Variants in RGS22 observed in about 807,000 individuals in gnomAD.
RGS22 encodes the protein regulator of G protein signaling 22.
A neutral mutation model predicts 172.9 loss-of-function variants in RGS22; 148 were observed. The observed-to-expected ratio is 0.86, with a 90% CI of 0.75 to 0.98. The LOEUF (loss-of-function observed/expected upper bound fraction) is 0.98. Among genes scored for constraint, RGS22 ranks in the 50% least tolerant of loss-of-function variants. RGS22 has a pLI of 0.00. For synonymous variants in RGS22, 458 were observed against 480.2 expected (o/e 0.95, Z 0.60); for missense variants, 1,347 against 1,440.8 (o/e 0.93, Z 1.05).
Position 100,053,843 on chromosome 8 carries a change from C to G in RGS22, c.1515-867G>C, listed in dbSNP as rs531054434. Among the ~76,000 whole-genome samples, 5 of 152,146 alleles carry G rather than the reference C, an allele frequency of 3.3e-5. No homozygotes were observed. In the East Asian group the frequency reaches 9.7e-4, roughly 29 times the overall value. On this transcript the variant is annotated intron_variant, in intron 9 of 27. Coordinates refer to ENST00000360863, the MANE Select transcript of RGS22 (RefSeq NM_015668.5). The stretch of plus-strand genomic sequence containing the variant: ...GTAGAGACAGGTTTCACCATGTTAG[C>G]CAGGATGGTCTTGATCTCCAGACCT...
In RGS22 at chr8:99,962,786, G is replaced by T; in HGVS notation, c.3710-19C>A. The T allele has an allele frequency of 6.3e-7, 1 of 1,591,924 alleles. No homozygotes were observed. Among genetic ancestry groups the T allele is most frequent in the South Asian group, 1.2e-5 (1 of 86,918 alleles). On this transcript the variant is annotated intron_variant, in intron 25 of 27. Coordinates refer to ENST00000360863, the MANE Select transcript of RGS22 (RefSeq NM_015668.5). ...TGCAAGCCTGCACAAAAATAAAAGAGATAAGAAAAACAGTAAAGTAAATAT... is the reference window on the plus strand; with the variant it reads ...TGCAAGCCTGCACAAAAATAAAAGATATAAGAAAAACAGTAAAGTAAATAT...
At chr8:100,064,952 T>C (rs1387883489) in intron 7 of RGS22, among the ~76,000 whole-genome samples, 1 of 152,192 alleles carries the variant, frequency 6.6e-6, no homozygotes, top group East Asian at 1.9e-4. Flanking sequence ...TACAAAGGGA[T>C]TATTTGTATG....
At chr8:100,104,514 C>G (rs1052946884) in intron 2 of RGS22, among the ~76,000 whole-genome samples, 3 of 151,888 alleles carry the variant, frequency 2.0e-5, no homozygotes, top group African/African-American at 7.3e-5. Flanking sequence ...AGCAATGGAC[C>G]AGAGCTCTGG....
At chr8:99,978,590 A>G (rs1319907631) in intron 22 of RGS22, among the ~76,000 whole-genome samples, 1 of 152,222 alleles carries the variant, frequency 6.6e-6, no homozygotes, top group East Asian at 1.9e-4. Flanking sequence ...ATTTTAAATG[A>G]TATAATCTCT....
chr8:100,080,186 T>G lies in RGS22; in HGVS notation c.287A>C (p.Gln96Pro). ...CTCATCTTCATCGGGGGCATTCATT[T>G]GAACAGGTTTAACCTCATTCTTTCC... is the stretch of plus-strand genomic sequence containing the variant. ...RKGKNEVKPVQMNAPDEDETI... is the reference protein window; with the variant it reads ...RKGKNEVKPVPMNAPDEDETI... The change falls in exon 4 of 28, where the codon CAA becomes CCA. Residue 96 changes from glutamine to proline, a missense_variant. Transcript: ENST00000360863. 1 of 1,613,724 alleles carries G rather than the reference T, an allele frequency of 6.2e-7. No homozygotes were observed. The highest frequency in any genetic ancestry group is 8.5e-7 in the Non-Finnish European group (1 of 1,179,716).
At chr8:100,089,636 T>G (rs1369846005) in intron 3 of RGS22, among the ~76,000 whole-genome samples, 2 of 152,144 alleles carry the variant, frequency 1.3e-5, no homozygotes, top group Non-Finnish European at 2.9e-5. Flanking sequence ...ACGGTCTAAG[T>G]GCAGTCTGAC....
chr8:100,007,799 C>G (rs1057312167), intron 15 of RGS22, among the ~76,000 whole-genome samples: 1 of 149,788 alleles, frequency 6.7e-6, no homozygotes, highest in African/African-American at 2.5e-5. Context: ...AAAAAAAAAT[C>G]AAGTGATGCC....
intron 11 of RGS22, among the ~76,000 whole-genome samples, chr8:100,044,392 G>A (rs551794532): frequency 5.9e-5 from 9 of 152,244 alleles, no homozygotes; most frequent in Non-Finnish European, 8.8e-5. Context: ...GATTACAGGC[G>A]TGAGCCATCA....
chr8:100,064,139 T>C (rs2131800057), intron 7 of RGS22, 96 bp from the exon 8 acceptor site: 1 of 940,164 alleles, frequency 1.1e-6, no homozygotes, highest in South Asian at 2.4e-5. Flanking sequence ...CAAATGGGTT[T>C]ATCATAGGTA....
intron 12 of RGS22, among the ~76,000 whole-genome samples, chr8:100,040,908 A>T (rs1476675072): frequency 6.6e-6 from 1 of 152,174 alleles, no homozygotes; most frequent in Non-Finnish European, 1.5e-5. Flanking sequence ...CAAATTCTGA[A>T]GTGAGAATTT....
At chr8:100,097,589 G>A (rs533486047) in intron 2 of RGS22, among the ~76,000 whole-genome samples, 1 of 152,298 alleles carries the variant, frequency 6.6e-6, no homozygotes. Context: ...ATGTTTGGAG[G>A]AGGGCTTTAT....
chr8:99,990,397 C>A (rs1342149274), intron 20 of RGS22, among the ~76,000 whole-genome samples: 2 of 152,162 alleles, frequency 1.3e-5, no homozygotes, highest in African/African-American at 2.4e-5. Context: ...CCTTTTCACC[C>A]AATAAAACCC....
chr8:99,995,759 G>A (rs1563590015), intron 20 of RGS22, among the ~76,000 whole-genome samples: 1 of 152,272 alleles, frequency 6.6e-6, no homozygotes, highest in East Asian at 1.9e-4. Flanking sequence ...TCCCATTACT[G>A]GGTATATACC....
In RGS22 at chr8:100,035,581, C is replaced by T. The variant is rs1053118891; in HGVS notation, c.2166+3350G>A. Among the ~76,000 whole-genome samples, 4 of 152,282 alleles carry T rather than the reference C, an allele frequency of 2.6e-5. No individual in the cohort carries two copies. The East Asian group carries it at 7.7e-4, about 29-fold the overall frequency. ...CCTCCAAGATCTAGAACTAGACATA[C>T]CATTGACCCAGCGATCCCATTACTG... is the stretch of plus-strand genomic sequence containing the variant. On this transcript the variant is annotated intron_variant, in intron 14 of 27. Transcript: ENST00000360863.
chr8:100,061,362 G>A (rs1810120649), intron 9 of RGS22, among the ~76,000 whole-genome samples: 1 of 152,120 alleles, frequency 6.6e-6, no homozygotes, highest in South Asian at 2.1e-4. Context: ...TATCAACAGA[G>A]TGAACAGACA....
intron 3 of RGS22, among the ~76,000 whole-genome samples, chr8:100,089,994 G>A (rs1045256692): frequency 6.6e-5 from 10 of 152,046 alleles, no homozygotes; most frequent in African/African-American, 2.2e-4. Context: ...AAAAGGCAAA[G>A]CCAATGACAG....
At chr8:99,995,081 C>G (rs1258458726) in intron 20 of RGS22, among the ~76,000 whole-genome samples, 2 of 152,008 alleles carry the variant, frequency 1.3e-5, no homozygotes, top group Non-Finnish European at 2.9e-5. Context: ...AGCTGAAACT[C>G]AATCCCTTCC....
chr8:100,043,111 C>T (rs1382579392), intron 11 of RGS22, among the ~76,000 whole-genome samples: 1 of 152,164 alleles, frequency 6.6e-6, no homozygotes, highest in Non-Finnish European at 1.5e-5. Context: ...TGCCTATTAT[C>T]GGATTTCTTG....
chr8:100,006,069 T>C lies in RGS22; in HGVS notation c.2402A>G (p.Tyr801Cys), dbSNP rs1257189269. 6.2e-7 allele frequency: 1 copy of C among 1,613,564 alleles called. No homozygotes were observed. The highest frequency in any genetic ancestry group is 1.7e-5 in the Admixed American group (1 of 59,990). The stretch of plus-strand genomic sequence containing the variant: ...ATGCAAAGCCTGTAGCTTTCTGAAG[T>C]ATGTGGAGTCTAACTGTCGAGTTTC... ...VEETRQLDST[Y>C]FRKLQALHKE... The change falls in exon 16 of 28, where the codon TAC becomes TGC. Residue 801 changes from tyrosine to cysteine, a missense_variant. Tyr to Cys is a radical substitution (Grantham distance 194, BLOSUM62 -2). Coordinates refer to ENST00000360863, the MANE Select transcript of RGS22 (RefSeq NM_015668.5).
Sources: allele counts gnomAD v4.1 joint callset (sites outside exome capture counted in the v4.1 genomes callset), GRCh38; gene constraint gnomAD v4.1.1; transcripts MANE v1.5; gene names NCBI Gene and HGNC (gene_info 2026-07-23, HGNC 2026-07-21).